MYH14: variants seen among roughly 807,000 people sequenced by gnomAD.
MYH14 encodes the protein myosin-14.
In MYH14, 123 loss-of-function variants were observed where a neutral mutation model predicts 255.5. The observed-to-expected ratio is 0.48, with a 90% CI of 0.42 to 0.56. The LOEUF (loss-of-function observed/expected upper bound fraction) is 0.56. MYH14 is among the 20% of genes least tolerant of loss of function. The pLI is 0.00. For missense variants in MYH14, 2,423 were observed against 2,802.3 expected, an observed-to-expected ratio of 0.86 and a Z score of 3.06; for synonymous variants, 1,095 against 1,161.2, an observed-to-expected ratio of 0.94 and a Z score of 1.16.
At chr19:50,268,742 GCA>G in intron 24 of MYH14, among the ~76,000 whole-genome samples, 1 of 152,162 alleles carries the variant, frequency 6.6e-6, no homozygotes, top group Non-Finnish European at 1.5e-5. Context: ...CTGGATCCAG[GCA>G]TCCAAGTGAT....
chr19:50,249,773 C>T lies in MYH14; in HGVS notation c.1606C>T (p.Leu536Phe). 6.2e-7 allele frequency: 1 copy of T among 1,614,238 alleles called. No individual in the cohort carries two copies. ...YQREGIPWTF[L>F]DFGLDLQPCI... The stretch of plus-strand genomic sequence containing the variant: ...GCGTGAGGGCATCCCCTGGACCTTC[C>T]TCGACTTTGGCCTCGACCTGCAGCC... Residue 536 changes from leucine to phenylalanine, a missense_variant, in exon 14 of 43, where the codon CTC becomes TTC. By Grantham distance (22) the Leu-to-Phe change is conservative (BLOSUM62 0). Around this residue, in one of 3 missense-constraint regions of MYH14, gnomAD observed 672 missense variants for 881.8 expected, o/e 0.76. Transcript: ENST00000642316.
chr19:50,253,912 AT>A (rs1431757559), intron 16 of MYH14, among the ~76,000 whole-genome samples: 3 of 152,168 alleles, frequency 2.0e-5, no homozygotes, highest in African/African-American at 7.2e-5. Flanking sequence ...AGTCCATGCA[AT>A]TTGGCAAGAA....
At chr19:50,287,182 G>A (rs79536430) in intron 34 of MYH14, among the ~76,000 whole-genome samples, 1,626 of 152,204 alleles carry the variant, frequency 0.011, 10 homozygotes, top group Middle Eastern at 0.028. Flanking sequence ...CACACACAGC[G>A]TGAAGAGAAT....
intron 39 of MYH14, among the ~76,000 whole-genome samples, chr19:50,298,716 A>T (rs998332460): frequency 6.6e-6 from 1 of 151,308 alleles, no homozygotes; most frequent in African/African-American, 2.4e-5. Flanking sequence ...GAGCCACTGC[A>T]CTCCAGCCTA....
intron 40 of MYH14, among the ~76,000 whole-genome samples, chr19:50,303,410 C>G (rs2123483606): frequency 1.3e-5 from 2 of 152,274 alleles, no homozygotes; most frequent in South Asian, 4.1e-4. Flanking sequence ...AGTCAAGGTT[C>G]TAAGAGCAAG....
intron 22 of MYH14, among the ~76,000 whole-genome samples, chr19:50,265,173 G>C (rs569777418): frequency 2.0e-4 from 30 of 152,288 alleles, no homozygotes; most frequent in African/African-American, 6.5e-4. Context: ...TCGTTAGCAT[G>C]GTGTCTGCAG....
At position 50,271,946 on chromosome 19, in the gene MYH14, A is replaced by G; in HGVS notation, c.3269A>G (p.Tyr1090Cys). The G allele has an allele frequency of 6.2e-7, 1 of 1,611,170 alleles. No homozygotes were observed. The highest frequency in any genetic ancestry group is 8.5e-7 in the Non-Finnish European group (1 of 1,178,832). Residue 1090 changes from tyrosine (Y) to cysteine (C), a missense_variant, in exon 26 of 43, where the codon TAT (tyrosine) becomes TGT (cysteine). By Grantham distance (194) the Tyr-to-Cys change is radical. Around this residue, in one of 3 missense-constraint regions of MYH14, gnomAD observed 1,513 missense variants for 1,674.8 expected, o/e 0.90. Transcript: ENST00000642316. ...AGCCTCAATAAGCTACGGCTCAAAT[A>G]TGAGGCCACAATCGCAGACATGGAG... ...VKSLNKLRLK[Y>C]EATIADMEDR... is the part of the protein sequence containing the mutation.
At position 50,230,501 on chromosome 19, in the gene MYH14, A is replaced by G; in HGVS notation, c.875-24A>G. 1 of 1,550,298 alleles carries G rather than the reference A, an allele frequency of 6.5e-7. No individual in the cohort carries two copies. Among genetic ancestry groups the G allele is most frequent in the East Asian group, 2.4e-5 (1 of 41,006 alleles). On this transcript the variant is annotated intron_variant, in intron 8 of 42. Coordinates refer to ENST00000642316, the MANE Select transcript of MYH14 (RefSeq NM_001145809.2). This position sits in a 1 kb window ranked among gnomAD's most constrained non-coding sequence, Gnocchi z 4.7. ...GCGTCGGGGCCGTCCCTTCCCCTCT[A>G]GCACCTTGACTCGCTGTGTCCAGAC...
intron 1 of MYH14, among the ~76,000 whole-genome samples, chr19:50,207,271 C>CAGAGAGAGAGAGAGAG (rs764396652): frequency 0.026 from 1,988 of 76,780 alleles, 350 homozygotes; most frequent in South Asian, 0.036. Flanking sequence ...GAGAGAGAGA[C>CAGAGAGAGAGAGAGAG]AGAGAGAGAG....
At chr19:50,257,565 C>T in intron 18 of MYH14, 79 bp downstream of exon 18, 1 of 1,399,284 alleles carries the variant, frequency 7.1e-7, no homozygotes, top group Non-Finnish European at 9.9e-7. Context: ...GCTGGAGCCA[C>T]ATCTGATTCG....
chr19:50,267,481 G>C (rs1421618248), intron 23 of MYH14, among the ~76,000 whole-genome samples: 2 of 152,018 alleles, frequency 1.3e-5, no homozygotes, highest in Non-Finnish European at 2.9e-5. Flanking sequence ...GTGAAACCCC[G>C]TCTCTACTAA....
chr19:50,277,988 G>T, intron 29 of MYH14, 95 bp from the exon 30 acceptor site: 1 of 913,452 alleles, frequency 1.1e-6, no homozygotes, highest in Non-Finnish European at 1.5e-6. Flanking sequence ...TCCAGGCAGA[G>T]GGAACAGCCA....
chr19:50,239,331 T>C (rs1345932995), intron 10 of MYH14, among the ~76,000 whole-genome samples: 1 of 152,142 alleles, frequency 6.6e-6, no homozygotes, highest in East Asian at 1.9e-4. Context: ...CTTGCTCTCT[T>C]TTTTTCCTGG....
Position 50,281,686 on chromosome 19 carries a change from C to T in MYH14, c.4383C>T (p.Ala1461=), listed in dbSNP as rs2035727025. 1.2e-6 allele frequency: 2 copies of T among 1,611,736 alleles called. No individual in the cohort carries two copies. Among genetic ancestry groups the T allele is most frequent in the East Asian group, 4.5e-5 (2 of 44,858 alleles). The change falls in exon 33 of 43, where the codon GCC becomes GCT. Residue 1461 remains alanine (A), a synonymous_variant. Coordinates refer to ENST00000642316, the MANE Select transcript of MYH14 (RefSeq NM_001145809.2). ...GCCGGGCAGCCCGGGAGGCCGAGGCCCTGACCCAGCGCCTGGCAGAAAAGA... is the reference window on the plus strand; with the variant it reads ...GCCGGGCAGCCCGGGAGGCCGAGGCTCTGACCCAGCGCCTGGCAGAAAAGA... ...ARRRAAREAE[A]LTQRLAEKTE...
chr19:50,260,484 G>C (rs538022505), intron 19 of MYH14, among the ~76,000 whole-genome samples, 162 bp from the exon 20 acceptor site: 8 of 152,154 alleles, frequency 5.3e-5, no homozygotes, highest in African/African-American at 1.7e-4. Flanking sequence ...GCTGTCCTTG[G>C]TGGTGGCGTG....
chr19:50,284,807 A>C (rs1054360370), intron 33 of MYH14: 6 of 152,030 alleles, frequency 3.9e-5, no homozygotes, highest in East Asian at 1.9e-4. Flanking sequence ...ATTTTTGTGA[A>C]TATAAATATC....
chr19:50,263,537 G>C, intron 22 of MYH14, 117 bp downstream of exon 22: 2 of 589,406 alleles, frequency 3.4e-6, no homozygotes, highest in Non-Finnish European at 2.8e-6. Flanking sequence ...ACTAAAATGG[G>C]GCCAGTCGGC....
intron 3 of MYH14, among the ~76,000 whole-genome samples, chr19:50,222,276 C>A (rs759365435): frequency 3.3e-5 from 5 of 151,864 alleles, no homozygotes; most frequent in Non-Finnish European, 7.4e-5. Flanking sequence ...GTCAGGAGAT[C>A]GAGACCATCC....
In MYH14 at chr19:50,217,634, G is replaced by T; in HGVS notation, c.425G>T (p.Cys142Phe). The T allele has an allele frequency of 6.2e-7, 1 of 1,614,034 alleles. No homozygotes were observed. Reference protein sequence around the residue: ...GLIYTYSGLFCVVINPYKQLP... With the variant: ...GLIYTYSGLFFVVINPYKQLP... ...CTGCAGACGTACTCCGGCCTTTTCT[G>T]TGTGGTCATCAACCCGTACAAGCAG... Residue 142 changes from cysteine (C) to phenylalanine (F), a missense_variant, in exon 3 of 43, where the codon TGT (cysteine) becomes TTT (phenylalanine). Transcript: ENST00000642316.
Sources: gnomAD v4.1 joint callset for allele counts (sites outside exome capture counted in the v4.1 genomes callset) on GRCh38, gnomAD v4.1.1 for gene constraint, gnomAD v4.1.1 regional missense constraint, Gnocchi (gnomAD v3.1) non-coding constraint, MANE v1.5 for transcripts, NCBI Gene and HGNC (gene_info 2026-07-23, HGNC 2026-07-21) for gene names.